The following COL26A1 variants were observed in gnomAD, a reference collection of about 807,000 sequenced individuals.
COL26A1 encodes collagen alpha-1(XXVI) chain.
Under a neutral mutation model 59.3 loss-of-function variants are expected in COL26A1, and 41 were observed. The ratio of observed to expected loss-of-function variants is 0.69; its 90% confidence interval spans 0.54 to 0.90. The LOEUF is 0.90. Ranked by LOEUF, COL26A1 falls within the 40% of genes least tolerant of loss-of-function variation. COL26A1 has a pLI of 0.00. For missense variants in COL26A1, 612 were observed against 602.3 expected, an observed-to-expected ratio of 1.02 and a Z score of -0.17; for synonymous variants, 266 against 256.0, an observed-to-expected ratio of 1.04 and a Z score of -0.37.
chr7:101,546,432 G>A (rs1324611684), intron 7 of COL26A1, among the ~76,000 whole-genome samples: 1 of 150,096 alleles, frequency 6.7e-6, no homozygotes, highest in Non-Finnish European at 1.5e-5. Flanking sequence ...TGGAGATGGG[G>A]TCTCACAATG....
In COL26A1 at chr7:101,557,507, G is replaced by C; in HGVS notation, c.1303G>C (p.Asp435His). 2 of 1,610,964 alleles carry C rather than the reference G, an allele frequency of 1.2e-6. No homozygotes were observed. The highest frequency in any genetic ancestry group is 1.1e-5 in the South Asian group (1 of 90,948). ...GCCCGACCCTGGACAGAAGAGCGTG[G>C]ACCAGGCCAGCAGCAGGAAGTGAGA... is the stretch of plus-strand genomic sequence containing the variant. Reference protein sequence around the residue: ...LGPDPGQKSVDQASSRK With the variant: ...LGPDPGQKSVHQASSRK The change falls in exon 13 of 13, where the codon GAC (aspartate) becomes CAC (histidine). Residue 435 changes from aspartate to histidine, a missense_variant. Asp to His is a moderately conservative substitution (Grantham distance 81, BLOSUM62 -1). Coordinates refer to ENST00000313669, the MANE Select transcript of COL26A1 (RefSeq NM_001278563.3).
At chr7:101,440,437 T>C (rs1793028371) in intron 2 of COL26A1, among the ~76,000 whole-genome samples, 3 of 152,246 alleles carry the variant, frequency 2.0e-5, no homozygotes, top group South Asian at 4.1e-4. Context: ...CAATTCTTCA[T>C]GGGGACAGGA....
chr7:101,551,225 G>GTT, intron 10 of COL26A1, 82 bp downstream of exon 10: 1 of 339,580 alleles, frequency 2.9e-6, no homozygotes, highest in Non-Finnish European at 4.8e-6. Flanking sequence ...GGTGGCGGGG[G>GTT]TTGGTGGGGG....
intron 1 of COL26A1, among the ~76,000 whole-genome samples, chr7:101,395,004 C>T (rs1262394538): frequency 6.6e-6 from 1 of 150,412 alleles, no homozygotes; most frequent in Non-Finnish European, 1.5e-5. Flanking sequence ...CCTTGAATAG[C>T]TGTGATTACA....
chr7:101,374,096 C>T (rs1466490270), intron 1 of COL26A1, among the ~76,000 whole-genome samples: 2 of 152,178 alleles, frequency 1.3e-5, no homozygotes, highest in Admixed American at 6.5e-5. Flanking sequence ...GACAATCCTA[C>T]GGAAACATAC....
intron 3 of COL26A1, among the ~76,000 whole-genome samples, chr7:101,517,741 G>A (rs1795058904): frequency 6.6e-6 from 1 of 151,226 alleles, no homozygotes; most frequent in Non-Finnish European, 1.5e-5. Context: ...GGAAGACAGG[G>A]TTGGGGTGCT....
At chr7:101,377,308 G>A (rs1791341433) in intron 1 of COL26A1, among the ~76,000 whole-genome samples, 1 of 152,082 alleles carries the variant, frequency 6.6e-6, no homozygotes, top group African/African-American at 2.4e-5. Flanking sequence ...GTGCCCGGCT[G>A]AGGATTTCTG....
intron 1 of COL26A1, among the ~76,000 whole-genome samples, chr7:101,404,796 G>C (rs1469084729): frequency 1.3e-5 from 2 of 150,902 alleles, no homozygotes; most frequent in Admixed American, 1.3e-4. Flanking sequence ...CAGCTACGCA[G>C]GAGGCTGAAG....
chr7:101,446,149 C>T (rs146541258), intron 2 of COL26A1, among the ~76,000 whole-genome samples: 1 of 151,572 alleles, frequency 6.6e-6, no homozygotes, highest in South Asian at 2.1e-4. Context: ...CACTTATCAC[C>T]AAGGGGATGG....
intron 1 of COL26A1, among the ~76,000 whole-genome samples, chr7:101,366,553 C>T (rs1391063154): frequency 3.9e-5 from 5 of 128,862 alleles, no homozygotes; most frequent in African/African-American, 1.4e-4. Flanking sequence ...CAGGCAGGAG[C>T]GTAATGGTGC....
chr7:101,493,291 C>G (rs1794508102), intron 3 of COL26A1, among the ~76,000 whole-genome samples: 1 of 149,726 alleles, frequency 6.7e-6, no homozygotes, highest in Non-Finnish European at 1.5e-5. Flanking sequence ...TCCCTCCTTC[C>G]TCCATGCTTA....
At chr7:101,433,966 G>T (rs1287804450) in intron 2 of COL26A1, among the ~76,000 whole-genome samples, 2 of 151,416 alleles carry the variant, frequency 1.3e-5, no homozygotes, top group African/African-American at 4.9e-5. Flanking sequence ...CTTCTTGTGA[G>T]ATGAAAGGAA....
intron 1 of COL26A1, among the ~76,000 whole-genome samples, chr7:101,385,718 A>T (rs137888784): frequency 6.8e-6 from 1 of 147,208 alleles, no homozygotes; most frequent in African/African-American, 2.5e-5. Flanking sequence ...TTATTTGTTT[A>T]TTTGTTTTTT....
chr7:101,485,629 C>T (rs1255033580), intron 3 of COL26A1, among the ~76,000 whole-genome samples: 1 of 151,166 alleles, frequency 6.6e-6, no homozygotes, highest in East Asian at 1.9e-4. Context: ...TACCTGCCGT[C>T]ATCTGATCTC....
intron 3 of COL26A1, among the ~76,000 whole-genome samples, chr7:101,490,097 T>C (rs1372190820): frequency 1.3e-5 from 2 of 150,670 alleles, no homozygotes; most frequent in African/African-American, 4.9e-5. Context: ...CCACCACACA[T>C]GGGTAATTTT....
At chr7:101,397,451 CT>C (rs1353576116) in intron 1 of COL26A1, among the ~76,000 whole-genome samples, 1 of 146,640 alleles carries the variant, frequency 6.8e-6, no homozygotes, top group Non-Finnish European at 1.5e-5. Flanking sequence ...TTTCTCCTTC[CT>C]CCTTTCTTTG....
intron 1 of COL26A1, chr7:101,388,855 A>G: frequency 6.4e-6 from 1 of 156,182 alleles, no homozygotes; most frequent in Non-Finnish European, 1.4e-5. Context: ...GGCGTGAGCC[A>G]CCATGCCTGG....
intron 3 of COL26A1, among the ~76,000 whole-genome samples, chr7:101,504,066 G>A (rs940883860): frequency 1.3e-5 from 2 of 152,094 alleles, no homozygotes; most frequent in Admixed American, 6.6e-5. Context: ...GCTCCCCAGT[G>A]TCCCTGAGCT....
chr7:101,451,286 A>G (rs1202896360), intron 3 of COL26A1, among the ~76,000 whole-genome samples: 1 of 144,624 alleles, frequency 6.9e-6, no homozygotes, highest in Non-Finnish European at 1.5e-5. Context: ...TTTATATATG[A>G]TGTAAATTAT....
Sources: gnomAD v4.1 joint callset for allele counts (sites outside exome capture counted in the v4.1 genomes callset) on GRCh38, gnomAD v4.1.1 for gene constraint, MANE v1.5 for transcripts, NCBI Gene and HGNC (gene_info 2026-07-23, HGNC 2026-07-21) for gene names.